The following IMMP1L variants were observed in gnomAD, a reference collection of about 807,000 sequenced individuals.
IMMP1L encodes mitochondrial inner membrane protease subunit 1.
A neutral mutation model predicts 21.8 loss-of-function variants in IMMP1L; 24 were observed. The ratio of observed to expected loss-of-function variants is 1.10; its 90% confidence interval spans 0.80 to 1.55. IMMP1L has a LOEUF of 1.55. Among genes scored for constraint, IMMP1L ranks in the 40% most tolerant of loss-of-function variants. The pLI is 0.00. For missense variants in IMMP1L, 195 were observed against 200.7 expected, an observed-to-expected ratio of 0.97 and a Z score of 0.17; for synonymous variants, 46 against 62.8, an observed-to-expected ratio of 0.73 and a Z score of 1.26.
At chr11:31,445,037 T>C (rs546900865) in intron 4 of IMMP1L, among the ~76,000 whole-genome samples, 13 of 151,984 alleles carry the variant, frequency 8.6e-5, no homozygotes, top group Non-Finnish European at 1.6e-4. Context: ...ATTTTGAGAT[T>C]TGGATTTAAA....
At chr11:31,507,623 G>A (rs926507930) in intron 1 of IMMP1L, among the ~76,000 whole-genome samples, 2 of 152,122 alleles carry the variant, frequency 1.3e-5, no homozygotes, top group African/African-American at 4.8e-5. Flanking sequence ...ATAGTTCATC[G>A]CACAGAGAGT....
chr11:31,466,079 C>T (rs1415331066), intron 1 of IMMP1L, among the ~76,000 whole-genome samples: 1 of 151,846 alleles, frequency 6.6e-6, no homozygotes, highest in Non-Finnish European at 1.5e-5. Context: ...ACAAATAACC[C>T]AATTAAAAAG....
intron 1 of IMMP1L, among the ~76,000 whole-genome samples, chr11:31,468,416 G>A (rs1254480639): frequency 6.6e-6 from 1 of 152,098 alleles, no homozygotes; most frequent in Non-Finnish European, 1.5e-5. Flanking sequence ...CACACATACG[G>A]ATATATTACA....
At chr11:31,488,582 CAT>C (rs1955155923) in intron 1 of IMMP1L, among the ~76,000 whole-genome samples, 1 of 152,062 alleles carries the variant, frequency 6.6e-6, no homozygotes, top group Non-Finnish European at 1.5e-5. Flanking sequence ...TAGACTGAGA[CAT>C]AGAAAGGATA....
chr11:31,496,977 T>C (rs1218465873), intron 1 of IMMP1L, among the ~76,000 whole-genome samples: 1 of 127,592 alleles, frequency 7.8e-6, no homozygotes, highest in Non-Finnish European at 1.6e-5. Flanking sequence ...ATCTATTATA[T>C]ATGATAATCT....
At chr11:31,461,542 C>T (rs2133660174) in intron 2 of IMMP1L, among the ~76,000 whole-genome samples, 1 of 152,302 alleles carries the variant, frequency 6.6e-6, no homozygotes, top group East Asian at 1.9e-4. Context: ...TTCTGAGTGT[C>T]TACATGACAC....
chr11:31,473,856 A>T (rs1954646005), intron 1 of IMMP1L: 1 of 396,186 alleles, frequency 2.5e-6, no homozygotes, highest in Non-Finnish European at 3.4e-6. Context: ...ACAAGTATGT[A>T]AATACATTAT....
intron 1 of IMMP1L, among the ~76,000 whole-genome samples, chr11:31,471,533 C>T (rs147299675): frequency 3.9e-5 from 6 of 151,972 alleles, no homozygotes. Flanking sequence ...TTTAAAAAAA[C>T]AGGGCAATAG....
chr11:31,481,416 T>A (rs1954887614), intron 1 of IMMP1L, among the ~76,000 whole-genome samples: 1 of 152,118 alleles, frequency 6.6e-6, no homozygotes, highest in South Asian at 2.1e-4. Flanking sequence ...GTGAAAAATA[T>A]CTAAATGCTT....
At chr11:31,448,702 C>T (rs1953625637) in intron 4 of IMMP1L, among the ~76,000 whole-genome samples, 1 of 152,132 alleles carries the variant, frequency 6.6e-6, no homozygotes, top group African/African-American at 2.4e-5. Flanking sequence ...TCTTTTCAAA[C>T]ATATACATAT....
chr11:31,509,564 G>A lies in IMMP1L; in HGVS notation c.-75C>T. 2 of 585,828 alleles carry A rather than the reference G, an allele frequency of 3.4e-6. No individual in the cohort carries two copies. The highest frequency in any genetic ancestry group is 6.1e-6 in the Non-Finnish European group (2 of 328,256). 36.3% of individuals were successfully genotyped at this position (585,828 alleles called of 1,614,324 possible). On this transcript the variant is annotated 5_prime_UTR_variant, in exon 1 of 6. Transcript: ENST00000532287. Reference sequence around the variant, plus strand: ...GGAGACCCTCAACCAGGACACAGGTGGGCCTTTCTCACCTGGGCCCCGCCG... The same window carrying A: ...GGAGACCCTCAACCAGGACACAGGTAGGCCTTTCTCACCTGGGCCCCGCCG...
intron 1 of IMMP1L, among the ~76,000 whole-genome samples, chr11:31,487,397 A>G (rs529944168): frequency 1.3e-5 from 2 of 152,256 alleles, no homozygotes; most frequent in South Asian, 4.1e-4. Context: ...TCAGGTAATA[A>G]TTTGAGGCAT....
At chr11:31,494,887 G>A (rs1043352843) in intron 1 of IMMP1L, among the ~76,000 whole-genome samples, 2 of 151,956 alleles carry the variant, frequency 1.3e-5, no homozygotes, top group African/African-American at 2.4e-5. Flanking sequence ...CTCGTGATCC[G>A]CCCACCTTGG....
At chr11:31,443,025 T>G (rs904521386) in intron 4 of IMMP1L, among the ~76,000 whole-genome samples, 1 of 152,184 alleles carries the variant, frequency 6.6e-6, no homozygotes, top group Admixed American at 6.5e-5. Context: ...AGATGTCATT[T>G]TAGTCCAATA....
chr11:31,455,413 T>C (rs1953908128), intron 4 of IMMP1L, among the ~76,000 whole-genome samples: 1 of 152,188 alleles, frequency 6.6e-6, no homozygotes, highest in Non-Finnish European at 1.5e-5. Context: ...CCATAAGCTC[T>C]GTTACAGAAG....
chr11:31,470,308 G>A (rs567882012), intron 1 of IMMP1L, among the ~76,000 whole-genome samples: 2 of 152,212 alleles, frequency 1.3e-5, no homozygotes, highest in South Asian at 4.1e-4. Flanking sequence ...AGGTGCTCAG[G>A]AGGCTGAGGC....
intron 1 of IMMP1L, among the ~76,000 whole-genome samples, chr11:31,472,380 G>T (rs1200104342): frequency 6.6e-6 from 1 of 152,190 alleles, no homozygotes; most frequent in South Asian, 2.1e-4. Context: ...AACTTAGGAA[G>T]CGTTGTTCAG....
At position 31,489,694 on chromosome 11, in the gene IMMP1L, C is replaced by T. The variant is rs138860040; in HGVS notation, c.-30+19825G>A. Among the ~76,000 whole-genome samples the T allele has an allele frequency of 4.9e-3, 746 of 152,238 alleles. 13 individuals carry two copies. The highest frequency in any genetic ancestry group is 6.8e-3 in the Middle Eastern group (2 of 294). ...TCTCTCTTCCTCCTCTTTTGTAATGCATTTCTGTATCAATTCAAATTTTTA... is the reference window on the plus strand; with the variant it reads ...TCTCTCTTCCTCCTCTTTTGTAATGTATTTCTGTATCAATTCAAATTTTTA... On this transcript the variant is annotated intron_variant, in intron 1 of 5. Coordinates refer to ENST00000532287, the MANE Select transcript of IMMP1L (RefSeq NM_001304274.2).
At chr11:31,508,801 C>T (rs140688724) in intron 1 of IMMP1L, among the ~76,000 whole-genome samples, 2 of 152,156 alleles carry the variant, frequency 1.3e-5, no homozygotes, top group East Asian at 3.9e-4. Flanking sequence ...ACTGTCCCTG[C>T]TCAGTTTTGA....
Sources: allele counts gnomAD v4.1 joint callset (sites outside exome capture counted in the v4.1 genomes callset), GRCh38; gene constraint gnomAD v4.1.1; transcripts MANE v1.5; gene names NCBI Gene and HGNC (gene_info 2026-07-23, HGNC 2026-07-21).